Variants in EPHA5 observed in about 807,000 individuals in gnomAD.
EPHA5 encodes the protein ephrin type-A receptor 5.
A neutral mutation model predicts 105.0 loss-of-function variants in EPHA5; 60 were observed. The observed-to-expected ratio is 0.57, with a 90% CI of 0.46 to 0.71. EPHA5 has a LOEUF of 0.71. Ranked by LOEUF, EPHA5 falls within the 30% of genes least tolerant of loss-of-function variation. EPHA5 has a pLI of 0.00. For missense variants in EPHA5, 1,218 were observed against 1,274.7 expected, an observed-to-expected ratio of 0.96 and a Z score of 0.68; for synonymous variants, 513 against 449.1, an observed-to-expected ratio of 1.14 and a Z score of -1.80.
Position 65,384,090 on chromosome 4 carries a change from T to G in EPHA5, c.1794-16666A>C, listed in dbSNP as rs116174455. 2.0e-3 allele frequency among the ~76,000 whole-genome samples: 299 copies of G among 152,010 alleles called. 1 individual carries two copies. The highest frequency in any genetic ancestry group is 5.9e-3 in the African/African-American group (243 of 41,522). ...CAGGAAGGAATAGAAGATGAGGTTG[T>G]GCAGGGACACAGGAGAGGCTGTGGA... On this transcript the variant is annotated intron_variant, in intron 8 of 16. Coordinates refer to ENST00000613740, the MANE Select transcript of EPHA5 (RefSeq NM_001281766.3).
At chr4:65,549,551 A>AC (rs1737697475) in intron 3 of EPHA5, among the ~76,000 whole-genome samples, 1 of 151,990 alleles carries the variant, frequency 6.6e-6, no homozygotes, top group Non-Finnish European at 1.5e-5. Flanking sequence ...TTCTAAGTTG[A>AC]CTTTTTCTAG....
intron 7 of EPHA5, among the ~76,000 whole-genome samples, chr4:65,410,833 A>ATAG (rs1436409510): frequency 6.6e-6 from 1 of 152,216 alleles, no homozygotes; most frequent in Non-Finnish European, 1.5e-5. Flanking sequence ...ACAAATAGAT[A>ATAG]TAGTTAGATA....
At chr4:65,510,156 TC>T (rs1733465911) in intron 3 of EPHA5, among the ~76,000 whole-genome samples, 1 of 149,522 alleles carries the variant, frequency 6.7e-6, no homozygotes, top group Non-Finnish European at 1.5e-5. Flanking sequence ...TGCCTCAGCC[TC>T]CCGAGTAGCT....
intron 2 of EPHA5, among the ~76,000 whole-genome samples, chr4:65,602,944 T>C (rs1322242346): frequency 1.3e-5 from 2 of 152,080 alleles, no homozygotes; most frequent in African/African-American, 4.8e-5. Context: ...TAAATATTAA[T>C]TCATAGATTT....
intron 16 of EPHA5, among the ~76,000 whole-genome samples, chr4:65,326,882 A>G (rs547723734): frequency 2.2e-4 from 34 of 151,336 alleles, no homozygotes; most frequent in Admixed American, 4.6e-4. Flanking sequence ...TTTATTTTGA[A>G]TGACCTGAAA....
intron 3 of EPHA5, among the ~76,000 whole-genome samples, chr4:65,565,233 T>C (rs1191562262): frequency 3.3e-5 from 5 of 151,716 alleles, no homozygotes; most frequent in Admixed American, 2.0e-4. Flanking sequence ...AATTTGCTAA[T>C]GGATCAGAGT....
chr4:65,566,641 T>C (rs1739563195), intron 3 of EPHA5, among the ~76,000 whole-genome samples: 1 of 151,818 alleles, frequency 6.6e-6, no homozygotes, highest in Admixed American at 6.6e-5. Flanking sequence ...ACTGAGCGTA[T>C]GAGCTTTAAG....
At chr4:65,390,847 A>G (rs1720645598) in intron 8 of EPHA5, among the ~76,000 whole-genome samples, 1 of 152,094 alleles carries the variant, frequency 6.6e-6, no homozygotes, top group African/African-American at 2.4e-5. Flanking sequence ...AAAAGTAATG[A>G]GAGAAACAAG....
At chr4:65,593,054 CT>C (rs1366975124) in intron 3 of EPHA5, among the ~76,000 whole-genome samples, 1 of 152,100 alleles carries the variant, frequency 6.6e-6, no homozygotes, top group Admixed American at 6.5e-5. Flanking sequence ...TGCACCTCTA[CT>C]TTTTTCTCTA....
At chr4:65,603,483 A>G (rs905398451) in intron 2 of EPHA5, among the ~76,000 whole-genome samples, 1 of 152,122 alleles carries the variant, frequency 6.6e-6, no homozygotes, top group Admixed American at 6.5e-5. Flanking sequence ...AGATAAAAAA[A>G]ACTTCATAGA....
chr4:65,445,477 T>C (rs1726427219), intron 5 of EPHA5, among the ~76,000 whole-genome samples: 1 of 152,136 alleles, frequency 6.6e-6, no homozygotes, highest in African/African-American at 2.4e-5. Context: ...ATGAGAAAAG[T>C]TAATTGGTCA....
intron 1 of EPHA5, among the ~76,000 whole-genome samples, chr4:65,647,821 G>A (rs1225851782): frequency 6.6e-6 from 1 of 152,098 alleles, no homozygotes; most frequent in East Asian, 1.9e-4. Flanking sequence ...AATTAAGAAG[G>A]CTGATTATCC....
At chr4:65,401,004 G>T (rs1721758668) in intron 8 of EPHA5, among the ~76,000 whole-genome samples, 1 of 151,558 alleles carries the variant, frequency 6.6e-6, no homozygotes, top group Non-Finnish European at 1.5e-5. Context: ...AAGTAATAAG[G>T]GTAATTTCAA....
At chr4:65,476,205 T>C (rs892879521) in intron 5 of EPHA5, among the ~76,000 whole-genome samples, 2 of 150,574 alleles carry the variant, frequency 1.3e-5, no homozygotes, top group Non-Finnish European at 3.0e-5. Flanking sequence ...TACTAAATCA[T>C]AAATTCAGGG....
At chr4:65,606,535 T>C (rs1744245941) in intron 2 of EPHA5, among the ~76,000 whole-genome samples, 1 of 152,148 alleles carries the variant, frequency 6.6e-6, no homozygotes, top group African/African-American at 2.4e-5. Flanking sequence ...TTAAAAACAC[T>C]AAGTATTTAT....
intron 5 of EPHA5, among the ~76,000 whole-genome samples, chr4:65,450,643 G>A (rs1047656996): frequency 5.9e-5 from 9 of 152,008 alleles, no homozygotes; most frequent in Non-Finnish European, 1.3e-4. Context: ...ATTAAACCTA[G>A]AGATAATTAT....
rs1482808110 is a variant in EPHA5 at position 65,456,951 on chromosome 4, A to T, written c.1402+33426T>A. On this transcript the variant is annotated intron_variant, in intron 5 of 16. Coordinates refer to ENST00000613740, the MANE Select transcript of EPHA5 (RefSeq NM_001281766.3). ...AGTTTATTTGCTATCTCATTGTAGC[A>T]ATGAACATTATATGCATTATAAATA... Among the ~76,000 whole-genome samples the T allele has an allele frequency of 2.6e-5, 4 of 152,282 alleles. No homozygotes were observed. The East Asian group carries it at 5.8e-4, about 22-fold the overall frequency.
intron 3 of EPHA5, among the ~76,000 whole-genome samples, chr4:65,592,974 G>A (rs1435380117): frequency 6.6e-6 from 1 of 152,108 alleles, no homozygotes; most frequent in Admixed American, 6.6e-5. Context: ...ATAAGAAAAA[G>A]ACAAGCATCC....
At chr4:65,662,708 A>C (rs1212174989) in intron 1 of EPHA5, among the ~76,000 whole-genome samples, 2 of 152,112 alleles carry the variant, frequency 1.3e-5, no homozygotes, top group Admixed American at 1.3e-4. Flanking sequence ...AGTGTGTGAG[A>C]GTGTGTATGT....
Sources: allele counts gnomAD v4.1 joint callset (sites outside exome capture counted in the v4.1 genomes callset), GRCh38; gene constraint gnomAD v4.1.1; transcripts MANE v1.5; gene names NCBI Gene and HGNC (gene_info 2026-07-23, HGNC 2026-07-21).